Variants in SCAI observed in about 807,000 individuals in gnomAD.
SCAI encodes the protein protein SCAI.
In SCAI, 24 loss-of-function variants were observed where a neutral mutation model predicts 92.2. The observed-to-expected ratio is 0.26, with a 90% CI of 0.19 to 0.37. SCAI has a LOEUF of 0.37. Ranked by LOEUF, SCAI falls within the 10% of genes least tolerant of loss-of-function variation. The pLI is 1.00. For synonymous variants in SCAI, 261 were observed against 258.6 expected (o/e 1.01, Z -0.09); for missense variants, 450 against 736.2 (o/e 0.61, Z 4.50).
In SCAI at chr9:124,995,901, T is replaced by C. The variant is rs571975468; in HGVS notation, c.1245-886A>G. 2.0e-5 allele frequency among the ~76,000 whole-genome samples: 3 copies of C among 152,230 alleles called. No homozygotes were observed. In the East Asian group the frequency reaches 5.8e-4, roughly 29 times the overall value. ...ACCCAAAGGCGGAAATCCAGTAACA[T>C]GCATGTGAGAGCCAATGCGTAAGGT... On this transcript the variant is annotated intron_variant, in intron 13 of 17. Coordinates refer to ENST00000336505, the MANE Select transcript of SCAI (RefSeq NM_001144877.3).
chr9:125,087,294 C>T (rs1270607563), intron 2 of SCAI, among the ~76,000 whole-genome samples: 4 of 152,188 alleles, frequency 2.6e-5, no homozygotes, highest in African/African-American at 9.7e-5. Context: ...ATGATGCCCT[C>T]AAGATTAGTA....
intron 17 of SCAI, 140 bp from the exon 18 acceptor site, chr9:124,953,093 G>T: frequency 1.4e-6 from 1 of 724,304 alleles, no homozygotes; most frequent in South Asian, 1.8e-5. Context: ...GTTGAATATT[G>T]AATTGCTGAT....
At chr9:125,131,571 C>G (rs1479578021) in intron 2 of SCAI, among the ~76,000 whole-genome samples, 1 of 152,110 alleles carries the variant, frequency 6.6e-6, no homozygotes, top group African/African-American at 2.4e-5. Context: ...TTTGAATGCC[C>G]TTGAAAATCA....
intron 17 of SCAI, among the ~76,000 whole-genome samples, chr9:124,957,294 C>T (rs1191360906): frequency 6.6e-6 from 1 of 151,966 alleles, no homozygotes; most frequent in Non-Finnish European, 1.5e-5. Flanking sequence ...TACCCAGCCA[C>T]AAGGCCAGTG....
intron 2 of SCAI, among the ~76,000 whole-genome samples, chr9:125,129,700 G>A (rs1835358539): frequency 6.6e-6 from 1 of 151,624 alleles, no homozygotes; most frequent in African/African-American, 2.4e-5. Context: ...CTGTCCTCAG[G>A]TGATCCACCA....
At chr9:125,139,945 G>A (rs2131277559) in intron 2 of SCAI, among the ~76,000 whole-genome samples, 1 of 152,338 alleles carries the variant, frequency 6.6e-6, no homozygotes, top group East Asian at 1.9e-4. Flanking sequence ...TAAAAAGAAA[G>A]GCTGGGTATG....
intron 6 of SCAI, 143 bp from the exon 7 acceptor site, chr9:125,020,912 T>G: frequency 2.1e-6 from 1 of 467,804 alleles, no homozygotes; most frequent in Non-Finnish European, 3.8e-6. Context: ...TATAGTCTTT[T>G]TAAAATATTT....
At chr9:124,985,307 T>C (rs149899447) in intron 14 of SCAI, among the ~76,000 whole-genome samples, 81 of 152,146 alleles carry the variant, frequency 5.3e-4, no homozygotes, top group African/African-American at 1.8e-3. Context: ...TTCCTGAGGG[T>C]TGTCAGTGTA....
Position 125,116,430 on chromosome 9 carries a change from A to G in SCAI, c.98+26203T>C, listed in dbSNP as rs568572771. 5.6e-4 allele frequency among the ~76,000 whole-genome samples: 86 copies of G among 152,296 alleles called. 2 individuals carry two copies. The South Asian group carries it at 0.017, about 30-fold the overall frequency. ...AATGAATAAACGAGGGGAAAAGAAT[A>G]TATACACACAAACTTTTTTATTTAA... On this transcript the variant is annotated intron_variant, in intron 2 of 17. Transcript: ENST00000336505.
chr9:125,094,162 G>C (rs1834499383), intron 2 of SCAI, among the ~76,000 whole-genome samples: 1 of 151,994 alleles, frequency 6.6e-6, no homozygotes, highest in African/African-American at 2.4e-5. Flanking sequence ...ATCTTCACAT[G>C]GTTTCCCATC....
intron 9 of SCAI, among the ~76,000 whole-genome samples, chr9:125,007,212 T>C (rs1007449341): frequency 1.3e-5 from 2 of 152,118 alleles, no homozygotes; most frequent in African/African-American, 2.4e-5. Context: ...AATATTAATA[T>C]GATAATTTTA....
chr9:124,974,999 C>T (rs1387070016), intron 15 of SCAI, among the ~76,000 whole-genome samples: 1 of 152,086 alleles, frequency 6.6e-6, no homozygotes, highest in Non-Finnish European at 1.5e-5. Context: ...TTGGTATTAA[C>T]CTATTTGACC....
Position 125,083,876 on chromosome 9 carries a change from T to C in SCAI, c.99-27869A>G, listed in dbSNP as rs530662302. 3.9e-5 allele frequency among the ~76,000 whole-genome samples: 6 copies of C among 152,100 alleles called. No homozygotes were observed. In the South Asian group the frequency reaches 6.2e-4, roughly 16 times the overall value. ...ATATTCCAAGTGGTAAGAAGTACTATGAAAAAAGTACAGCAGGAAGGGAGA... is the reference window on the plus strand; with the variant it reads ...ATATTCCAAGTGGTAAGAAGTACTACGAAAAAAGTACAGCAGGAAGGGAGA... On this transcript the variant is annotated intron_variant, in intron 2 of 17. Transcript: ENST00000336505.
intron 13 of SCAI, among the ~76,000 whole-genome samples, chr9:124,998,559 G>A (rs1832292932): frequency 6.6e-6 from 1 of 152,106 alleles, no homozygotes; most frequent in Non-Finnish European, 1.5e-5. Context: ...CTAGATAGAA[G>A]GAATATGTTC....
chr9:125,135,056 C>G (rs1434823692), intron 2 of SCAI, among the ~76,000 whole-genome samples: 1 of 152,152 alleles, frequency 6.6e-6, no homozygotes, highest in African/African-American at 2.4e-5. Flanking sequence ...TTTGGACAAC[C>G]AAACCCATCC....
At chr9:125,005,715 G>A (rs1832491912) in intron 9 of SCAI, among the ~76,000 whole-genome samples, 2 of 152,158 alleles carry the variant, frequency 1.3e-5, no homozygotes, top group African/African-American at 2.4e-5. Flanking sequence ...AGGGTAGCAT[G>A]GGCCTCCTGG....
chr9:124,968,541 C>A, intron 17 of SCAI: 1 of 885,256 alleles, frequency 1.1e-6, no homozygotes, highest in South Asian at 1.3e-5. Context: ...TAAGACACCA[C>A]TCCCAAAGGA....
At chr9:124,987,061 C>T (rs930760654) in intron 14 of SCAI, among the ~76,000 whole-genome samples, 2 of 152,158 alleles carry the variant, frequency 1.3e-5, no homozygotes, top group African/African-American at 2.4e-5. Flanking sequence ...GAGATGGAGT[C>T]TCGCTCTGTC....
chr9:125,093,435 C>A (rs7847206), intron 2 of SCAI, among the ~76,000 whole-genome samples: 65,887 of 151,994 alleles, frequency 0.43, 14,675 homozygotes, highest in East Asian at 0.53. Context: ...TGGTTCACCT[C>A]ATGATCCAAC....
Sources: gnomAD v4.1 joint callset for allele counts (sites outside exome capture counted in the v4.1 genomes callset) on GRCh38, gnomAD v4.1.1 for gene constraint, MANE v1.5 for transcripts, NCBI Gene and HGNC (gene_info 2026-07-23, HGNC 2026-07-21) for gene names.